The following KANK2 variants were observed in gnomAD, a reference collection of about 807,000 sequenced individuals.
KANK2 encodes KN motif and ankyrin repeat domains 2, also known as KN motif and ankyrin repeat domain-containing protein 2.
Under a neutral mutation model 74.6 loss-of-function variants are expected in KANK2, and 41 were observed. The observed-to-expected ratio is 0.55, with a 90% CI of 0.43 to 0.71. The LOEUF (loss-of-function observed/expected upper bound fraction) is 0.71. Ranked by LOEUF, KANK2 falls within the 30% of genes least tolerant of loss-of-function variation. The probability of loss-of-function intolerance (pLI) is 0.00; values close to 1 mark genes in which losing one functional copy is unlikely to be tolerated. For synonymous variants in KANK2, 537 were observed against 519.0 expected (o/e 1.03, Z -0.47); for missense variants, 1,148 against 1,196.4 (o/e 0.96, Z 0.60).
intron 12 of KANK2, 33 bp downstream of exon 12, chr19:11,169,844 A>G (rs1293461716): frequency 6.4e-7 from 1 of 1,556,528 alleles, no homozygotes; most frequent in Non-Finnish European, 8.9e-7. Context: ...AGACCCACCC[A>G]TCCCGTGCCT....
intron 4 of KANK2, 120 bp from the exon 5 acceptor site, chr19:11,178,840 C>T: frequency 1.2e-6 from 1 of 853,154 alleles, no homozygotes; most frequent in Non-Finnish European, 1.7e-6. Context: ...TTACCACATC[C>T]AGTCTTCCTG....
In KANK2 at chr19:11,192,783, GC is replaced by G. The variant is rs35706290; in HGVS notation, c.1249+47del. On this transcript the variant is annotated intron_variant, in intron 4 of 12. Coordinates refer to ENST00000586659, the MANE Select transcript of KANK2 (RefSeq NM_001136191.3). ...CAGGATGAGCCATGGGAAGAAAGAGGCCCCCCCCCCCCAAGCCATTCTCCCC... is the reference window on the plus strand; with the variant it reads ...CAGGATGAGCCATGGGAAGAAAGAGGCCCCCCCCCCCAAGCCATTCTCCCC... 0.47 allele frequency: 652,273 copies of G among 1,401,590 alleles called. 136,175 individuals carry two copies. The highest frequency in any genetic ancestry group is 0.63 in the South Asian group (52,610 of 83,616). The allele number at this position is 1,401,590 out of a possible 1,614,324, so 86.8% of individuals were successfully genotyped here.
Position 11,173,039 on chromosome 19 carries a change from T to A in KANK2, c.2153A>T (p.Asp718Val), listed in dbSNP as rs955595985. 1.9e-6 allele frequency: 3 copies of A among 1,614,114 alleles called. No individual in the cohort carries two copies. The highest frequency in any genetic ancestry group is 2.5e-6 in the Non-Finnish European group (3 of 1,179,992). ...GAAGAGCTGAAGGACAGTCTCGATG[T>A]CGTCCTGGGTCTTCAGGGTGGCCAG... Reference protein sequence around the residue: ...TALATLKTQDDIETVLQLFRL... With the variant: ...TALATLKTQDVIETVLQLFRL... Residue 718 changes from aspartate (D) to valine (V), a missense_variant, in exon 10 of 13, where the codon GAC becomes GTC. By Grantham distance (152) the Asp-to-Val change is radical. Coordinates refer to ENST00000586659, the MANE Select transcript of KANK2 (RefSeq NM_001136191.3).
At chr19:11,184,753 G>A (rs550547545) in intron 4 of KANK2, among the ~76,000 whole-genome samples, 7 of 147,184 alleles carry the variant, frequency 4.8e-5, no homozygotes, top group Admixed American at 6.9e-5. Context: ...CTAGAGCAGC[G>A]CCTAAATCCC....
intron 12 of KANK2, among the ~76,000 whole-genome samples, chr19:11,168,015 T>G (rs980235661): frequency 6.7e-6 from 1 of 149,542 alleles, no homozygotes; most frequent in Non-Finnish European, 1.5e-5. Context: ...GTTTTTTTTT[T>G]TTTTTTTTTT....
intron 2 of KANK2, 44 bp from the exon 3 acceptor site, chr19:11,194,634 G>C (rs866253330): frequency 2.7e-6 from 2 of 754,692 alleles, no homozygotes; most frequent in Admixed American, 3.9e-5. Context: ...GAGTCTGTAG[G>C]GGGAGGGGAG....
rs758979865 is a variant in KANK2 at position 11,173,065 on chromosome 19, G to A, written c.2127C>T (p.Ala709=). ...RAGYSPIMLT[A]LATLKTQDDI... ...CGTCCTGGGTCTTCAGGGTGGCCAG[G>A]GCGGTGAGCATAATAGGGCTGTAGC... The change falls in exon 10 of 13, where the codon GCC becomes GCT. Residue 709 remains alanine (A), a synonymous_variant. Coordinates refer to ENST00000586659, the MANE Select transcript of KANK2 (RefSeq NM_001136191.3). The A allele has an allele frequency of 3.1e-6, 5 of 1,614,156 alleles. No homozygotes were observed. Among genetic ancestry groups the A allele is most frequent in the Admixed American group, 3.3e-5 (2 of 60,004 alleles).
intron 9 of KANK2, 147 bp downstream of exon 9, chr19:11,174,326 G>A (rs2078266939): frequency 1.5e-6 from 1 of 676,958 alleles, no homozygotes; most frequent in Admixed American, 2.3e-5. Flanking sequence ...GACTGGGAGA[G>A]AGGTGTTCCC....
intron 4 of KANK2, among the ~76,000 whole-genome samples, chr19:11,179,815 T>C (rs2147480826): frequency 6.6e-6 from 1 of 152,314 alleles, no homozygotes; most frequent in South Asian, 2.1e-4. Flanking sequence ...GTTTCCTTTT[T>C]GTGTAGCCAC....
At chr19:11,176,529 G>A in intron 7 of KANK2, 49 bp downstream of exon 7, 1 of 1,521,360 alleles carries the variant, frequency 6.6e-7, no homozygotes, top group Non-Finnish European at 8.8e-7. Flanking sequence ...TGAGGCAGAG[G>A]TCATCCACCC....
chr19:11,197,844 C>A (rs2079068530), upstream of KANK2: 1 of 151,986 alleles, frequency 6.6e-6, no homozygotes, highest in African/African-American at 2.4e-5. Flanking sequence ...GGGGGCGGAA[C>A]GGCTCGGCGG....
rs376718083 is a variant in KANK2 at position 11,192,229 on chromosome 19, C to A, written c.1249+602G>T. On this transcript the variant is annotated intron_variant, in intron 4 of 12. Coordinates refer to ENST00000586659, the MANE Select transcript of KANK2 (RefSeq NM_001136191.3). Reference sequence around the variant, plus strand: ...AGGTTTCTGCCTGGTAAACCAACAGCCTTGGGGAACTTTCCCCCAAATACC... The same window carrying A: ...AGGTTTCTGCCTGGTAAACCAACAGACTTGGGGAACTTTCCCCCAAATACC... Among the ~76,000 whole-genome samples the A allele has an allele frequency of 1.5e-4, 23 of 152,212 alleles. 1 individual carries two copies. In the East Asian group the frequency reaches 3.5e-3, roughly 23 times the overall value.
chr19:11,190,221 G>A (rs1015286120), intron 4 of KANK2, among the ~76,000 whole-genome samples: 5 of 151,812 alleles, frequency 3.3e-5, no homozygotes, highest in Non-Finnish European at 7.4e-5. Context: ...TGCAACCTCC[G>A]CCTCCTAGGT....
At chr19:11,178,510 C>T (rs775959087) in intron 5 of KANK2, 43 bp downstream of exon 5, 1 of 1,602,128 alleles carries the variant, frequency 6.2e-7, no homozygotes, top group Admixed American at 1.7e-5. Context: ...GAACTGGCGC[C>T]ATCCCGGTGC....
At chr19:11,197,797 C>G (rs1404891098), upstream of KANK2, 1 of 123,220 alleles carries the variant, frequency 8.1e-6, no homozygotes, top group Non-Finnish European at 1.8e-5. Flanking sequence ...CCACTGCCGG[C>G]CTCCCCCCCA....
At chr19:11,172,898 C>G (rs2078217130) in intron 10 of KANK2, 83 bp downstream of exon 10, 1 of 1,482,842 alleles carries the variant, frequency 6.7e-7, no homozygotes, top group Non-Finnish European at 9.2e-7. Flanking sequence ...AGTTAGACCA[C>G]CTGGGTTTGG....
At chr19:11,189,260 T>G (rs963529342) in intron 4 of KANK2, among the ~76,000 whole-genome samples, 11 of 151,924 alleles carry the variant, frequency 7.2e-5, no homozygotes, top group Admixed American at 1.3e-4. Flanking sequence ...CCTGGCTGAA[T>G]TGACATATTA....
chr19:11,193,155 G>A lies in KANK2; in HGVS notation c.925C>T (p.Arg309Trp), dbSNP rs375864767. The change falls in exon 4 of 13, where the codon CGG becomes TGG. Residue 309 changes from arginine (R) to tryptophan (W), a missense_variant. By Grantham distance (101) the Arg-to-Trp change is moderately radical. Coordinates refer to ENST00000586659, the MANE Select transcript of KANK2 (RefSeq NM_001136191.3). This position sits in a 1 kb window ranked among gnomAD's most constrained non-coding sequence, Gnocchi z 9.6. ...GCCTGGGGCTGGGGGTCAGCCTGCC[G>A]GGCCTGAGCTGCCTGCAGCTCCTGC... ...ALQELQAAQARQADPQPQAWP... is the reference protein window; with the variant it reads ...ALQELQAAQAWQADPQPQAWP... 6.2e-5 allele frequency: 100 copies of A among 1,608,914 alleles called. No homozygotes were observed. The highest frequency in any genetic ancestry group is 2.0e-4 in the African/African-American group (15 of 74,916).
chr19:11,194,346 C>T (rs766438189), intron 3 of KANK2, 129 bp downstream of exon 3: 97 of 744,448 alleles, frequency 1.3e-4, no homozygotes, highest in Non-Finnish European at 2.0e-4. Context: ...GACTCTGCCT[C>T]CTCCCTCAGA....
Sources: allele counts gnomAD v4.1 joint callset (sites outside exome capture counted in the v4.1 genomes callset), GRCh38; gene constraint gnomAD v4.1.1; non-coding constraint Gnocchi (gnomAD v3.1); transcripts MANE v1.5; gene names NCBI Gene and HGNC (gene_info 2026-07-23, HGNC 2026-07-21).